The following ROR1 variants were observed in gnomAD, a reference collection of about 807,000 sequenced individuals.
ROR1 encodes the protein inactive tyrosine-protein kinase transmembrane receptor ROR1.
ROR1 carries 19 observed loss-of-function variants against 78.8 expected under a neutral mutation model. The observed-to-expected ratio is 0.24, with a 90% CI of 0.17 to 0.35. ROR1 has a LOEUF of 0.35. Among genes scored for constraint, ROR1 ranks in the 10% least tolerant of loss-of-function variants. The probability of loss-of-function intolerance (pLI) is 1.00; values close to 1 mark genes in which losing one functional copy is unlikely to be tolerated. For missense variants in ROR1, 917 were observed against 1,177.8 expected (o/e 0.78, Z 3.24); for synonymous variants, 386 against 433.6 (o/e 0.89, Z 1.36).
At chr1:64,134,425 C>T (rs1315259361) in intron 4 of ROR1, among the ~76,000 whole-genome samples, 1 of 152,194 alleles carries the variant, frequency 6.6e-6, no homozygotes, top group Non-Finnish European at 1.5e-5. Flanking sequence ...AATCCTAGCT[C>T]CACCACAGAC....
At chr1:63,805,425 C>T (rs942402865) in intron 1 of ROR1, among the ~76,000 whole-genome samples, 5 of 152,162 alleles carry the variant, frequency 3.3e-5, no homozygotes, top group African/African-American at 9.7e-5. Flanking sequence ...AACATGTAGA[C>T]AGCAGAAAGA....
chr1:63,947,622 G>A (rs1395960597), intron 1 of ROR1, among the ~76,000 whole-genome samples: 1 of 152,172 alleles, frequency 6.6e-6, no homozygotes, highest in Non-Finnish European at 1.5e-5. Flanking sequence ...GAGGTGGGGT[G>A]GCCGGCGGGA....
chr1:64,150,249 A>G (rs1357981798), intron 7 of ROR1, among the ~76,000 whole-genome samples: 2 of 151,990 alleles, frequency 1.3e-5, no homozygotes, highest in Admixed American at 1.3e-4. Context: ...AAGAGTATCC[A>G]TGATAAGAAA....
chr1:64,147,024 A>G, intron 7 of ROR1, among the ~76,000 whole-genome samples: 1 of 152,202 alleles, frequency 6.6e-6, no homozygotes, highest in East Asian at 1.9e-4. Context: ...TTTACCAGAC[A>G]CTCTGCTATC....
chr1:64,072,323 T>A (rs1407881505), intron 4 of ROR1, among the ~76,000 whole-genome samples: 1 of 152,112 alleles, frequency 6.6e-6, no homozygotes, highest in Non-Finnish European at 1.5e-5. Flanking sequence ...TGTGTGTAAA[T>A]GGCCCTCAGA....
chr1:63,919,337 C>T (rs975469596), intron 1 of ROR1, among the ~76,000 whole-genome samples: 2 of 151,934 alleles, frequency 1.3e-5, no homozygotes, highest in East Asian at 3.9e-4. Flanking sequence ...ATTTAATGGC[C>T]GCTACCGAGA....
At chr1:63,801,726 A>T (rs537635481) in intron 1 of ROR1, among the ~76,000 whole-genome samples, 1 of 152,338 alleles carries the variant, frequency 6.6e-6, no homozygotes, top group South Asian at 2.1e-4. Context: ...TTAATGAAAA[A>T]GGTTAGTTAA....
rs1192509277 is a variant in ROR1, at chr1:64,017,164, C to A, written c.163+7788C>A. On this transcript the variant is annotated intron_variant, in intron 2 of 8. Coordinates refer to ENST00000371079, the MANE Select transcript of ROR1 (RefSeq NM_005012.4). Reference sequence around the variant, plus strand: ...TCAAGCAATCTGCCCCCTCGGCCCCCCAAAGTGCTGGGATTACAAGCATGA... The same window carrying A: ...TCAAGCAATCTGCCCCCTCGGCCCCACAAAGTGCTGGGATTACAAGCATGA... 7.9e-5 allele frequency among the ~76,000 whole-genome samples: 12 copies of A among 152,146 alleles called. No homozygotes were observed. The East Asian group carries it at 9.7e-4, about 12-fold the overall frequency.
intron 1 of ROR1, among the ~76,000 whole-genome samples, chr1:63,793,734 G>C (rs183838760): frequency 1.8e-4 from 27 of 152,302 alleles, no homozygotes; most frequent in Admixed American, 1.6e-3. Flanking sequence ...GCGGTCACTT[G>C]GTGATGACTG....
chr1:64,151,882 C>CAAAAA (rs36006598), intron 7 of ROR1, among the ~76,000 whole-genome samples: 1 of 141,154 alleles, frequency 7.1e-6, no homozygotes, highest in African/African-American at 2.7e-5. Context: ...CACTCCGTCT[C>CAAAAA]AAAAAAAAAA....
chr1:63,949,514 A>G (rs1287850351), intron 1 of ROR1, among the ~76,000 whole-genome samples: 2 of 152,198 alleles, frequency 1.3e-5, no homozygotes, highest in African/African-American at 4.8e-5. Context: ...TTGTGAATTA[A>G]GAAACAGAGG....
chr1:64,068,981 A>G (rs1045200401), intron 4 of ROR1, among the ~76,000 whole-genome samples: 6 of 152,192 alleles, frequency 3.9e-5, no homozygotes, highest in Admixed American at 1.3e-4. Context: ...TTTATATTCT[A>G]TAAGCTAAAT....
At chr1:63,945,543 T>G (rs1275045101) in intron 1 of ROR1, among the ~76,000 whole-genome samples, 2 of 152,202 alleles carry the variant, frequency 1.3e-5, no homozygotes, top group East Asian at 3.9e-4. Flanking sequence ...TGTTTAATGT[T>G]GTTTCCTTCT....
intron 1 of ROR1, among the ~76,000 whole-genome samples, chr1:63,951,609 G>A (rs1343927626): frequency 6.6e-6 from 1 of 152,146 alleles, no homozygotes; most frequent in Non-Finnish European, 1.5e-5. Context: ...GATTTCCCAG[G>A]GAGCCATGAA....
chr1:63,962,513 G>T (rs1156673362), intron 1 of ROR1, among the ~76,000 whole-genome samples: 1 of 152,150 alleles, frequency 6.6e-6, no homozygotes, highest in Non-Finnish European at 1.5e-5. Context: ...AGTGGGAGAG[G>T]GTAGGTGTCT....
intron 1 of ROR1, among the ~76,000 whole-genome samples, chr1:63,991,400 T>C (rs1163596887): frequency 6.6e-6 from 1 of 152,204 alleles, no homozygotes; most frequent in Non-Finnish European, 1.5e-5. Context: ...TTTTCAGATA[T>C]GTGCAGTTGC....
At chr1:64,143,367 GA>G (rs113185883) in intron 7 of ROR1, 11,911 of 815,910 alleles carry the variant, frequency 0.015, no homozygotes, top group Middle Eastern at 0.017. Context: ...CCAAAAAAAA[GA>G]AAAAAAAAAA....
At chr1:64,143,049 C>T in intron 7 of ROR1, 4 of 1,062,708 alleles carry the variant, frequency 3.8e-6, no homozygotes, top group Non-Finnish European at 4.6e-6. Flanking sequence ...GCCTTAAGAA[C>T]ACCACAAGGC....
At chr1:63,915,758 G>A (rs1385523479) in intron 1 of ROR1, among the ~76,000 whole-genome samples, 1 of 152,044 alleles carries the variant, frequency 6.6e-6, no homozygotes, top group Non-Finnish European at 1.5e-5. Flanking sequence ...AGATTGGCAG[G>A]GGGTGGGGTG....
Sources: allele counts gnomAD v4.1 joint callset (sites outside exome capture counted in the v4.1 genomes callset), GRCh38; gene constraint gnomAD v4.1.1; transcripts MANE v1.5; gene names NCBI Gene and HGNC (gene_info 2026-07-23, HGNC 2026-07-21).